ADGRL1: variants seen among roughly 807,000 people sequenced by gnomAD.
The protein encoded by ADGRL1 is adhesion G protein-coupled receptor L1, also known as CIRL-1.
In ADGRL1, 31 loss-of-function variants were observed where a neutral mutation model predicts 148.9. The observed-to-expected ratio is 0.21, with a 90% CI of 0.16 to 0.28. The LOEUF is 0.28. ADGRL1 is among the 10% of genes least tolerant of loss of function. The probability of loss-of-function intolerance (pLI) is 1.00; values close to 1 mark genes in which losing one functional copy is unlikely to be tolerated. For synonymous variants in ADGRL1, 937 were observed against 900.3 expected (o/e 1.04, Z -0.73); for missense variants, 1,521 against 2,058.8 (o/e 0.74, Z 5.05).
chr19:14,183,097 A>C (rs1971312913), intron 2 of ADGRL1, among the ~76,000 whole-genome samples: 1 of 152,164 alleles, frequency 6.6e-6, no homozygotes, highest in Non-Finnish European at 1.5e-5. Flanking sequence ...GGGCCGGCAT[A>C]GGGCCGAGCC....
Position 14,163,250 on chromosome 19 carries a change from T to A in ADGRL1, c.551A>T (p.Glu184Val). 6.2e-7 allele frequency: 1 copy of A among 1,613,534 alleles called. No homozygotes were observed. The highest frequency in any genetic ancestry group is 8.5e-7 in the Non-Finnish European group (1 of 1,180,010). The change falls in exon 5 of 23, where the codon GAG (glutamate) becomes GTG (valine). Residue 184 changes from glutamate (E) to valine (V), a missense_variant. Around this residue, in one of 8 missense-constraint regions of ADGRL1, gnomAD observed 334 missense variants for 512.5 expected, o/e 0.65. Transcript: ENST00000361434. ...CACGTAGTCCTCCCACGAGGCATAC[T>A]CAGTCAGTGTGTCCGTGCGGTAGGG... ...WIPYRTDTLTEYASWEDYVAA... is the reference protein window; with the variant it reads ...WIPYRTDTLTVYASWEDYVAA...
Position 14,161,679 on chromosome 19 carries a change from G to A in ADGRL1, c.1196-53C>T. 2 of 1,256,020 alleles carry A rather than the reference G, an allele frequency of 1.6e-6. No individual in the cohort carries two copies. The highest frequency in any genetic ancestry group is 2.0e-6 in the Non-Finnish European group (2 of 976,098). The allele number at this position is 1,256,020 out of a possible 1,614,324, so 77.8% of individuals were successfully genotyped here. ...TCCCCATGCTCAGGGCCATGCCACA[G>A]TGTGCTTGGGCAGGGGGTCCCAGGC... On this transcript the variant is annotated intron_variant, in intron 5 of 22. Coordinates refer to ENST00000361434, the MANE Select transcript of ADGRL1 (RefSeq NM_014921.5). The surrounding 1 kb of genome is among the most constrained non-coding windows in gnomAD (Gnocchi z 4.4).
chr19:14,151,165 G>A lies in ADGRL1; in HGVS notation c.4118C>T (p.Pro1373Leu), dbSNP rs1378040602. The part of the protein sequence containing the change: ...DGATSRPLSS[P>L]PGRDSLYASG... ...GGCATAGAGGGAGTCCCGGCCAGGAGGGGAGGAGAGGGGCCGGCTGGTGGC... is the reference window on the plus strand; with the variant it reads ...GGCATAGAGGGAGTCCCGGCCAGGAAGGGAGGAGAGGGGCCGGCTGGTGGC... Residue 1373 changes from proline (P) to leucine (L), a missense_variant, in exon 23 of 23, where the codon CCT becomes CTT. Coordinates refer to ENST00000361434, the MANE Select transcript of ADGRL1 (RefSeq NM_014921.5). The A allele has an allele frequency of 3.1e-6, 5 of 1,608,472 alleles. No individual in the cohort carries two copies. Among genetic ancestry groups the A allele is most frequent in the South Asian group, 2.2e-5 (2 of 90,624 alleles).
At position 14,157,490 on chromosome 19, in the gene ADGRL1, G is replaced by A. The variant is rs1195846781; in HGVS notation, c.2536-30C>T. On this transcript the variant is annotated intron_variant, in intron 13 of 22. Coordinates refer to ENST00000361434, the MANE Select transcript of ADGRL1 (RefSeq NM_014921.5). This position sits in a 1 kb window ranked among gnomAD's most constrained non-coding sequence, Gnocchi z 7.5. ...GGACAGGAACAGGGGGCACGCTCAGGGCCTTTGGTTTTGCACGCTGGGCTC... is the reference window on the plus strand; with the variant it reads ...GGACAGGAACAGGGGGCACGCTCAGAGCCTTTGGTTTTGCACGCTGGGCTC... The A allele has an allele frequency of 5.0e-6, 8 of 1,609,674 alleles. No individual in the cohort carries two copies. The highest frequency in any genetic ancestry group is 1.7e-5 in the Admixed American group (1 of 60,010).
chr19:14,204,746 C>CAGAG (rs3837936), intron 1 of ADGRL1, among the ~76,000 whole-genome samples: 22 of 143,884 alleles, frequency 1.5e-4, no homozygotes, highest in South Asian at 4.3e-4. Context: ...GAGAGACAGA[C>CAGAG]AGAGAGAGAG....
chr19:14,182,062 G>A (rs1031901006), intron 2 of ADGRL1, among the ~76,000 whole-genome samples: 1 of 152,090 alleles, frequency 6.6e-6, no homozygotes, highest in African/African-American at 2.4e-5. Flanking sequence ...CAGATGGCTG[G>A]GGTTGGAATT....
rs1439687090 is a variant in ADGRL1, at chr19:14,152,120, G to A, written c.3667+13C>T. The A allele has an allele frequency of 1.2e-6, 2 of 1,612,130 alleles. No homozygotes were observed. The highest frequency in any genetic ancestry group is 1.7e-6 in the Non-Finnish European group (2 of 1,178,276). On this transcript the variant is annotated intron_variant, in intron 22 of 22. Coordinates refer to ENST00000361434, the MANE Select transcript of ADGRL1 (RefSeq NM_014921.5). This position sits in a 1 kb window ranked among gnomAD's most constrained non-coding sequence, Gnocchi z 6.1. ...CAGCCTCAGAAACATCCCCAGGGAAGAGTCACACTTACTGGGTTCCCGGTA... is the reference window on the plus strand; with the variant it reads ...CAGCCTCAGAAACATCCCCAGGGAAAAGTCACACTTACTGGGTTCCCGGTA...
intron 4 of ADGRL1, among the ~76,000 whole-genome samples, chr19:14,163,862 C>A (rs1229833452): frequency 2.0e-5 from 3 of 152,112 alleles, no homozygotes; most frequent in African/African-American, 7.2e-5. Flanking sequence ...GGACTCAGCA[C>A]CCGGCCCCTT....
At chr19:14,163,445 A>T in intron 4 of ADGRL1, 39 bp from the exon 5 acceptor site, 20 of 1,090,388 alleles carry the variant, frequency 1.8e-5, no homozygotes, top group East Asian at 2.7e-5. Context: ...GTAGGAGAGA[A>T]GGGGCAGAGG....
At chr19:14,196,722 C>T (rs1000809364) in intron 1 of ADGRL1, among the ~76,000 whole-genome samples, 17 of 152,236 alleles carry the variant, frequency 1.1e-4, no homozygotes, top group Non-Finnish European at 2.2e-4. Flanking sequence ...GATCCCCTCA[C>T]AGCTCCTCCT....
In ADGRL1 at chr19:14,193,545, C is replaced by T. The variant is rs367826654; in HGVS notation, c.-95-9848G>A. Among the ~76,000 whole-genome samples the T allele has an allele frequency of 1.1e-4, 16 of 151,910 alleles. No homozygotes were observed. In the East Asian group the frequency reaches 2.9e-3, roughly 28 times the overall value. ...GAGGCTGCAGTGAGCTCTGATTGCA[C>T]CATTGCATTCTAGCCTGGGCAAGAG... On this transcript the variant is annotated intron_variant, in intron 1 of 22. Coordinates refer to ENST00000361434, the MANE Select transcript of ADGRL1 (RefSeq NM_014921.5).
intron 4 of ADGRL1, among the ~76,000 whole-genome samples, chr19:14,168,487 T>G (rs1000643935): frequency 3.3e-5 from 5 of 152,134 alleles, no homozygotes; most frequent in African/African-American, 1.2e-4. Flanking sequence ...AGGCTATCTC[T>G]CTTCCATCAG....
At chr19:14,201,294 G>GTTTTTTTTTTTTTTTT (rs748016498) in intron 1 of ADGRL1, among the ~76,000 whole-genome samples, 1 of 86,234 alleles carries the variant, frequency 1.2e-5, no homozygotes, top group Admixed American at 1.3e-4. Flanking sequence ...GCTATTCTGA[G>GTTTTTTTTTTTTTTTT]TTTTTTTGTT....
intron 4 of ADGRL1, chr19:14,168,737 G>C (rs1970216880): frequency 6.6e-6 from 1 of 152,158 alleles, no homozygotes. Context: ...GGGAGAAGTT[G>C]GGTCATTATC....
rs570113545 is a variant in ADGRL1 at position 14,155,700 on chromosome 19, C to T, written c.3126-173G>A. 7.6e-5 allele frequency: 47 copies of T among 621,936 alleles called. No individual in the cohort carries two copies. The East Asian group carries it at 9.4e-4, about 12-fold the overall frequency. 38.5% of individuals were successfully genotyped at this position (621,936 alleles called of 1,614,324 possible). A position where few individuals can be genotyped will look rare whatever the true frequency, so the allele number is the denominator to read the frequency against. On this transcript the variant is annotated intron_variant, in intron 17 of 22. Transcript: ENST00000361434. The surrounding 1 kb of genome is among the most constrained non-coding windows in gnomAD (Gnocchi z 5.0). ...AGTGGCCTGCCCAGGACACCTCCAC[C>T]GGAGCCTGGGCCTGAGGGAAAGGTA...
chr19:14,173,758 C>A (rs1177369251), intron 3 of ADGRL1, among the ~76,000 whole-genome samples: 1 of 151,792 alleles, frequency 6.6e-6, no homozygotes, highest in Non-Finnish European at 1.5e-5. Context: ...ACCAGCCTGG[C>A]CAACATGGTG....
In ADGRL1 at chr19:14,161,607, G is replaced by T. The variant is rs1420965282; in HGVS notation, c.1215C>A (p.Pro405=). The change falls in exon 6 of 23, where the codon CCC becomes CCA. Residue 405 remains proline, a synonymous_variant. Transcript: ENST00000361434. The surrounding 1 kb of genome is among the most constrained non-coding windows in gnomAD (Gnocchi z 4.4). ...DPSAGPATSP[P]LSTTTTARPT... ...GCCTGGCTGTGGTGGTCGTGCTGAG[G>T]GGTGGGGAAGTGGCTGGGCCTGGAG... is the stretch of plus-strand genomic sequence containing the variant. 7.0e-7 allele frequency: 1 copy of T among 1,423,936 alleles called. No individual in the cohort carries two copies. Among genetic ancestry groups the T allele is most frequent in the East Asian group, 2.7e-5 (1 of 36,562 alleles). 88.2% of individuals were successfully genotyped at this position (1,423,936 alleles called of 1,614,324 possible).
rs1968999438 is a variant in ADGRL1 at position 14,158,475 on chromosome 19, C to A, written c.2227G>T (p.Ala743Ser). 6.2e-7 allele frequency: 1 copy of A among 1,613,944 alleles called. No homozygotes were observed. Among genetic ancestry groups the A allele is most frequent in the Non-Finnish European group, 8.5e-7 (1 of 1,180,036 alleles). The change falls in exon 12 of 23, where the codon GCC (alanine) becomes TCC (serine). Residue 743 changes from alanine to serine, a missense_variant. Ala to Ser is a moderately conservative substitution (Grantham distance 99). Transcript: ENST00000361434. ...GGGCCACCCGGGCCTGCTTCGCCGG[C>A]CAGCTTCACTGTGGCATTCTCCGTG... ...LSTENATVKLAGEAGPGGPGG... is the reference protein window; with the variant it reads ...LSTENATVKLSGEAGPGGPGG...
intron 18 of ADGRL1, among the ~76,000 whole-genome samples, chr19:14,153,875 G>A (rs1968466934): frequency 6.6e-6 from 1 of 151,718 alleles, no homozygotes; most frequent in Non-Finnish European, 1.5e-5. Context: ...TGGGGGGGTG[G>A]AGGTTGCAGT....
Sources: allele counts gnomAD v4.1 joint callset (sites outside exome capture counted in the v4.1 genomes callset), GRCh38; gene constraint gnomAD v4.1.1; regional missense constraint gnomAD v4.1.1; non-coding constraint Gnocchi (gnomAD v3.1); transcripts MANE v1.5; gene names NCBI Gene and HGNC (gene_info 2026-07-23, HGNC 2026-07-21).